CRYBG3: variants seen among roughly 807,000 people sequenced by gnomAD.
CRYBG3 encodes the protein crystallin beta-gamma domain containing 3, also known as very large A-kinase anchor protein.
In CRYBG3, 127 loss-of-function variants were observed where a neutral mutation model predicts 244.2. That is an observed-to-expected ratio of 0.52 (90% CI 0.45 to 0.60). The LOEUF is 0.60. Among genes scored for constraint, CRYBG3 ranks in the 20% least tolerant of loss-of-function variants. The pLI is 0.00. For missense variants in CRYBG3, 3,325 were observed against 3,442.5 expected, an observed-to-expected ratio of 0.97 and a Z score of 0.85; for synonymous variants, 1,132 against 1,195.8, an observed-to-expected ratio of 0.95 and a Z score of 1.10.
intron 1 of CRYBG3, among the ~76,000 whole-genome samples, chr3:97,835,252 A>G (rs1422013826): frequency 1.3e-5 from 2 of 152,096 alleles, no homozygotes; most frequent in Non-Finnish European, 2.9e-5. Flanking sequence ...TCTAATGGGG[A>G]GGGCAGAAAA....
At chr3:97,856,217 T>C (rs1436724942) in intron 2 of CRYBG3, among the ~76,000 whole-genome samples, 1 of 152,192 alleles carries the variant, frequency 6.6e-6, no homozygotes, top group African/African-American at 2.4e-5. Flanking sequence ...AAGAGAAATA[T>C]GGCTCTGTTC....
Position 97,873,013 on chromosome 3 carries a change from A to G in CRYBG3, c.1819A>G (p.Asn607Asp), listed in dbSNP as rs1460770635. 1.3e-6 allele frequency: 2 copies of G among 1,535,832 alleles called. No individual in the cohort carries two copies. The highest frequency in any genetic ancestry group is 1.2e-5 in the South Asian group (1 of 83,998). The stretch of plus-strand genomic sequence containing the variant: ...AGTTGTAGCAAGCTTAGGAAATGAA[A>G]ATGCACCTGAGTTGAAATTTGAACT... ...SAVVASLGNE[N>D]APELKFELNR... is the part of the protein sequence containing the mutation. The change falls in exon 4 of 22, where the codon AAT (asparagine) becomes GAT (aspartate). Residue 607 changes from asparagine to aspartate, a missense_variant. By Grantham distance (23) the Asn-to-Asp change is conservative. Transcript: ENST00000389622.
At chr3:97,864,193 T>C (rs1412159834) in intron 2 of CRYBG3, 24 bp from the exon 3 acceptor site, 1 of 1,450,396 alleles carries the variant, frequency 6.9e-7, no homozygotes, top group African/African-American at 1.4e-5. Flanking sequence ...ATGATGCTTA[T>C]GATTGTCTAT....
chr3:97,859,766 A>G (rs1267480137), intron 2 of CRYBG3, among the ~76,000 whole-genome samples: 1 of 151,952 alleles, frequency 6.6e-6, no homozygotes, highest in African/African-American at 2.4e-5. Context: ...GTTGGGCCAT[A>G]TTGTCTTTTC....
intron 10 of CRYBG3, 39 bp downstream of exon 10, chr3:97,889,429 C>T: frequency 6.7e-7 from 1 of 1,497,518 alleles, no homozygotes; most frequent in Non-Finnish European, 9.3e-7. Flanking sequence ...GCTAAAGAGT[C>T]TCAGGATTAA....
intron 1 of CRYBG3, among the ~76,000 whole-genome samples, chr3:97,841,728 C>T (rs760279331): frequency 1.3e-5 from 2 of 152,042 alleles, no homozygotes; most frequent in African/African-American, 4.8e-5. Context: ...CCTGCTTACG[C>T]TTGTCCCCTC....
intron 1 of CRYBG3, among the ~76,000 whole-genome samples, chr3:97,839,926 G>A (rs755649218): frequency 6.6e-5 from 10 of 151,948 alleles, no homozygotes; most frequent in Non-Finnish European, 1.3e-4. Context: ...ATAACTATTT[G>A]AGTGCGTTCG....
chr3:97,876,833 C>T lies in CRYBG3; in HGVS notation c.5639C>T (p.Thr1880Ile), dbSNP rs2039378726. 2.2e-6 allele frequency: 3 copies of T among 1,372,104 alleles called. No homozygotes were observed. Among genetic ancestry groups the T allele is most frequent in the Non-Finnish European group, 2.8e-6 (3 of 1,065,770 alleles). 85.0% of individuals were successfully genotyped at this position (1,372,104 alleles called of 1,614,324 possible). A position where few individuals can be genotyped will look rare whatever the true frequency, so the allele number is the denominator to read the frequency against. Residue 1880 changes from threonine (T) to isoleucine (I), a missense_variant, in exon 4 of 22, where the codon ACC becomes ATC. This residue lies in a region of CRYBG3 where 635 missense variants were observed against 771.7 expected (regional missense o/e 0.82). Transcript: ENST00000389622. ...EKIHGTGLEL[T>I]TKQGEAMLPA... ...ATACATGGAACAGGACTAGAATTGACCACTAAACAAGGGGAGGCCATGCTT... is the reference window on the plus strand; with the variant it reads ...ATACATGGAACAGGACTAGAATTGATCACTAAACAAGGGGAGGCCATGCTT...
In CRYBG3 at chr3:97,899,216, T is replaced by C. The variant is rs2039675923; in HGVS notation, c.7924T>C (p.Trp2642Arg). 2.5e-6 allele frequency: 4 copies of C among 1,613,678 alleles called. No individual in the cohort carries two copies. Among genetic ancestry groups the C allele is most frequent in the Non-Finnish European group, 3.4e-6 (4 of 1,179,818 alleles). Reference protein sequence around the residue: ...EKGKYKCFFDWGGSNNIIMSI... With the variant: ...EKGKYKCFFDRGGSNNIIMSI... Reference sequence around the variant, plus strand: ...AGGGAAATACAAATGCTTTTTTGACTGGGGAGGATCAAATAATATAATCAT... The same window carrying C: ...AGGGAAATACAAATGCTTTTTTGACCGGGGAGGATCAAATAATATAATCAT... Residue 2642 changes from tryptophan to arginine, a missense_variant, in exon 14 of 22, where the codon TGG becomes CGG. Coordinates refer to ENST00000389622, the MANE Select transcript of CRYBG3 (RefSeq NM_153605.4).
Position 97,881,119 on chromosome 3 carries a change from TAGA to T in CRYBG3, c.7058_7060del (p.Glu2353del), listed in dbSNP as rs772667423. Reference sequence around the variant, plus strand: ...CATTTCCGAGGTCAGAAATGTGTGCTAGAAGAAGGGGAAAAGGTGTTAAATCGT... The same window carrying T: ...CATTTCCGAGGTCAGAAATGTGTGCTAGAAGGGGAAAAGGTGTTAAATCGT... On this transcript the variant is annotated inframe_deletion, in exon 7 of 22. Coordinates refer to ENST00000389622, the MANE Select transcript of CRYBG3 (RefSeq NM_153605.4). The T allele has an allele frequency of 2.0e-5, 33 of 1,610,986 alleles. No individual in the cohort carries two copies. Among genetic ancestry groups the T allele is most frequent in the East Asian group, 1.8e-4 (8 of 44,726 alleles).
At chr3:97,907,998 T>C (rs1403895901) in intron 15 of CRYBG3, among the ~76,000 whole-genome samples, 16 of 152,226 alleles carry the variant, frequency 1.1e-4, no homozygotes. Flanking sequence ...CTTCATTTTG[T>C]TATGTACCCA....
intron 3 of CRYBG3, among the ~76,000 whole-genome samples, chr3:97,871,496 A>G (rs931993421): frequency 2.6e-5 from 4 of 152,132 alleles, no homozygotes; most frequent in Non-Finnish European, 4.4e-5. Context: ...CCCAAAGTCA[A>G]GCTGGTTACT....
At chr3:97,838,844 T>C (rs949311964) in intron 1 of CRYBG3, among the ~76,000 whole-genome samples, 3 of 152,140 alleles carry the variant, frequency 2.0e-5, no homozygotes, top group Non-Finnish European at 4.4e-5. Context: ...GTGATCCTTT[T>C]TTTTCCATTG....
intron 15 of CRYBG3, among the ~76,000 whole-genome samples, chr3:97,907,999 T>C (rs2039798914): frequency 6.6e-6 from 1 of 152,230 alleles, no homozygotes; most frequent in South Asian, 2.1e-4. Flanking sequence ...TTCATTTTGT[T>C]ATGTACCCAG....
At chr3:97,923,559 GAA>G (rs2040007555) in intron 17 of CRYBG3, among the ~76,000 whole-genome samples, 2 of 151,722 alleles carry the variant, frequency 1.3e-5, no homozygotes, top group Non-Finnish European at 2.9e-5. Context: ...TCGGTATTCT[GAA>G]GTTCTATCTA....
chr3:97,880,177 T>G, intron 6 of CRYBG3, 77 bp downstream of exon 6: 1 of 715,382 alleles, frequency 1.4e-6, no homozygotes, highest in Non-Finnish European at 2.3e-6. Context: ...CTTTTTTTTC[T>G]ATTTTTTATT....
chr3:97,873,546 G>C lies in CRYBG3; in HGVS notation c.2352G>C (p.Glu784Asp), dbSNP rs1435889499. ...TATCTCAAGACCCTAATAGAGTAGA[G>C]TTAGTGTCTTCAAACACTAAAGCAA... is the stretch of plus-strand genomic sequence containing the variant. ...SILSQDPNRV[E>D]LVSSNTKANM... Residue 784 changes from glutamate (E) to aspartate (D), a missense_variant, in exon 4 of 22, where the codon GAG becomes GAC. This residue lies in a region of CRYBG3 where 1,526 missense variants were observed against 1,443.2 expected (regional missense o/e 1.06). Transcript: ENST00000389622. The C allele has an allele frequency of 2.9e-5, 45 of 1,535,336 alleles. No individual in the cohort carries two copies. Among genetic ancestry groups the C allele is most frequent in the Admixed American group, 3.9e-5 (2 of 50,928 alleles).
chr3:97,824,465 G>GT (rs2038552270), intron 1 of CRYBG3, among the ~76,000 whole-genome samples: 1 of 152,058 alleles, frequency 6.6e-6, no homozygotes, highest in South Asian at 2.1e-4. Flanking sequence ...TCCTGAAACT[G>GT]TTTTTTTGCC....
At chr3:97,849,942 T>G (rs148357710) in intron 2 of CRYBG3, among the ~76,000 whole-genome samples, 2 of 152,300 alleles carry the variant, frequency 1.3e-5, no homozygotes, top group East Asian at 3.9e-4. Context: ...CCCTGGTTGA[T>G]TTGATTTCTG....
Sources: gnomAD v4.1 joint callset for allele counts (sites outside exome capture counted in the v4.1 genomes callset) on GRCh38, gnomAD v4.1.1 for gene constraint, gnomAD v4.1.1 regional missense constraint, MANE v1.5 for transcripts, NCBI Gene and HGNC (gene_info 2026-07-23, HGNC 2026-07-21) for gene names.